Variants in MID1 observed in about 807,000 individuals in gnomAD.
The protein encoded by MID1 is midline 1, also known as E3 ubiquitin-protein ligase Midline-1.
In MID1, 7 loss-of-function variants were observed where a neutral mutation model predicts 40.4. The ratio of observed to expected loss-of-function variants is 0.17; its 90% CI spans 0.10 to 0.33. The LOEUF (loss-of-function observed/expected upper bound fraction) is 0.33. MID1 is among the 10% of genes least tolerant of loss of function. The pLI, the probability that MID1 is intolerant of heterozygous loss-of-function variation, is 1.00. For missense variants in MID1, 367 were observed against 558.5 expected (o/e 0.66, Z 3.46); for synonymous variants, 229 against 221.2 (o/e 1.04, Z -0.31).
chrX:10,652,038 C>A (rs1936321857), intron 1 of MID1, among the ~76,000 whole-genome samples: 1 of 112,117 alleles, frequency 8.9e-6, no homozygotes, highest in Admixed American at 9.4e-5. Context: ...CTACAAATTA[C>A]CATATTAGGT....
At chrX:10,725,405 T>C (rs376649017) in intron 1 of MID1, among the ~76,000 whole-genome samples, 1 of 111,886 alleles carries the variant, frequency 8.9e-6, no homozygotes, top group African/African-American at 3.2e-5. Flanking sequence ...AAATTATAAA[T>C]ATATTTTTCC....
intron 1 of MID1, among the ~76,000 whole-genome samples, chrX:10,794,041 T>C (rs2043952582): frequency 8.9e-6 from 1 of 111,936 alleles, no homozygotes; most frequent in African/African-American, 3.2e-5. Flanking sequence ...TATGAGAACA[T>C]GAACTCTGGG....
intron 1 of MID1, among the ~76,000 whole-genome samples, chrX:10,721,473 A>C (rs1168843681): frequency 1.8e-5 from 2 of 110,698 alleles, no homozygotes; most frequent in Non-Finnish European, 3.8e-5. Context: ...AATTCATATA[A>C]AGTGTAATTT....
intron 3 of MID1, among the ~76,000 whole-genome samples, chrX:10,510,560 T>A (rs373923398): frequency 9.0e-6 from 1 of 110,548 alleles, no homozygotes; most frequent in Non-Finnish European, 1.9e-5. Context: ...AGGCCGGGCG[T>A]GGTGGCTCAC....
intron 1 of MID1, among the ~76,000 whole-genome samples, chrX:10,664,250 C>T (rs2042935800): frequency 9.1e-6 from 1 of 110,163 alleles, no homozygotes; most frequent in South Asian, 3.9e-4. Context: ...CAACCTCCAC[C>T]TCCCGGGTTC....
At chrX:10,460,967 A>G (rs1388619174) in intron 7 of MID1, among the ~76,000 whole-genome samples, 1 of 110,683 alleles carries the variant, frequency 9.0e-6, no homozygotes, top group Non-Finnish European at 1.9e-5. Context: ...CTGAATACTT[A>G]CTTACTCCAT....
chrX:10,479,071 G>A (rs1271257290), intron 5 of MID1, among the ~76,000 whole-genome samples: 2 of 112,385 alleles, frequency 1.8e-5, no homozygotes, highest in East Asian at 5.6e-4. Context: ...CGTGAAAACA[G>A]AGATCCAACT....
At chrX:10,466,509 G>C (rs945469186) in intron 7 of MID1, among the ~76,000 whole-genome samples, 14 of 111,287 alleles carry the variant, frequency 1.3e-4, no homozygotes, top group Non-Finnish European at 2.4e-4. Context: ...TTTTGGGCCA[G>C]ATAGTTCTCT....
intron 2 of MID1, among the ~76,000 whole-genome samples, chrX:10,543,357 G>C (rs1933549016): frequency 8.9e-6 from 1 of 112,061 alleles, no homozygotes; most frequent in South Asian, 3.8e-4. Context: ...AGAAATAATA[G>C]TAGGAGTCAT....
chrX:10,641,767 A>G (rs1022598585), intron 1 of MID1, among the ~76,000 whole-genome samples: 5 of 112,147 alleles, frequency 4.5e-5, no homozygotes, highest in African/African-American at 1.6e-4. Context: ...AAAATCCTCA[A>G]TAAAATACTG....
intron 1 of MID1, among the ~76,000 whole-genome samples, chrX:10,805,102 G>A (rs1208852210): frequency 9.2e-6 from 1 of 108,982 alleles, no homozygotes; most frequent in Non-Finnish European, 1.9e-5. Flanking sequence ...TAAGTTTTAG[G>A]GTACATGTGC....
intron 1 of MID1, among the ~76,000 whole-genome samples, chrX:10,613,794 G>GAC (rs1569128363): frequency 5.3e-5 from 5 of 93,659 alleles, no homozygotes; most frequent in African/African-American, 2.1e-4. Flanking sequence ...GACAGACAGA[G>GAC]AGAGACTATG....
chrX:10,484,235 G>T lies in MID1; in HGVS notation c.865-1607C>A, dbSNP rs1271986752. On this transcript the variant is annotated intron_variant, in intron 4 of 9. Coordinates refer to ENST00000317552, the MANE Select transcript of MID1 (RefSeq NM_000381.4). ...AGTCCACAGGACAAACCAAGTGAAT[G>T]GAATATTTAATCACACAGCATAAAG... is the stretch of plus-strand genomic sequence containing the variant. Among the ~76,000 whole-genome samples the T allele has an allele frequency of 2.7e-5, 3 of 112,046 alleles. No homozygotes were observed. The East Asian group carries it at 8.4e-4, about 31-fold the overall frequency.
chrX:10,754,083 G>A (rs1439322936), intron 1 of MID1, among the ~76,000 whole-genome samples: 2 of 112,152 alleles, frequency 1.8e-5, no homozygotes, highest in Non-Finnish European at 3.8e-5. Context: ...TAAGCAGATA[G>A]AGAAGGTTTG....
chrX:10,613,230 C>T (rs1456326058), intron 1 of MID1, among the ~76,000 whole-genome samples: 1 of 111,524 alleles, frequency 9.0e-6, no homozygotes, highest in Non-Finnish European at 1.9e-5. Flanking sequence ...CAGTCTACCG[C>T]ATAGACCCTT....
chrX:10,496,680 T>C (rs1052884404), intron 3 of MID1, among the ~76,000 whole-genome samples: 4 of 112,333 alleles, frequency 3.6e-5, no homozygotes, highest in Admixed American at 1.9e-4. Flanking sequence ...AAGGCTTTAA[T>C]TGGAGTAATT....
In MID1 at chrX:10,459,634, C is replaced by A; in HGVS notation, c.1447+12G>T. On this transcript the variant is annotated intron_variant, in intron 8 of 9. Coordinates refer to ENST00000317552, the MANE Select transcript of MID1 (RefSeq NM_000381.4). ...TAAGACATGACAGCTCTGTTGAGTT[C>A]ACAGCACTTACTGTTTGTCTTCAAC... The A allele has an allele frequency of 8.3e-7, 1 of 1,209,300 alleles. No individual in the cohort carries two copies. The highest frequency in any genetic ancestry group is 1.1e-6 in the Non-Finnish European group (1 of 894,206).
intron 1 of MID1, among the ~76,000 whole-genome samples, chrX:10,664,106 G>C (rs1019783569): frequency 1.8e-5 from 2 of 109,989 alleles, no homozygotes; most frequent in Non-Finnish European, 3.8e-5. Context: ...TTTAACTATG[G>C]AGTTAAAAGA....
intron 2 of MID1, among the ~76,000 whole-genome samples, chrX:10,554,387 G>C (rs956870273): frequency 8.9e-6 from 1 of 111,861 alleles, no homozygotes; most frequent in African/African-American, 3.3e-5. Flanking sequence ...GCAGCATCTT[G>C]ACAGATTACT....
Sources: gnomAD v4.1 joint callset for allele counts (sites outside exome capture counted in the v4.1 genomes callset) on GRCh38, gnomAD v4.1.1 for gene constraint, MANE v1.5 for transcripts, NCBI Gene and HGNC (gene_info 2026-07-23, HGNC 2026-07-21) for gene names.